The following RAB28 variants were observed in gnomAD, a reference collection of about 807,000 sequenced individuals.
RAB28 encodes ras-related protein Rab-28.
Under a neutral mutation model 31.7 loss-of-function variants are expected in RAB28, and 24 were observed. The ratio of observed to expected loss-of-function variants is 0.76; its 90% CI spans 0.55 to 1.06. The LOEUF (loss-of-function observed/expected upper bound fraction) is 1.06. RAB28 is among the 50% of genes least tolerant of loss of function. The pLI is 0.00. For synonymous variants in RAB28, 100 were observed against 90.4 expected, an observed-to-expected ratio of 1.11 and a Z score of -0.60; for missense variants, 254 against 258.5, an observed-to-expected ratio of 0.98 and a Z score of 0.12.
chr4:13,464,204 C>A (rs987167160), intron 3 of RAB28, among the ~76,000 whole-genome samples: 1 of 152,056 alleles, frequency 6.6e-6, no homozygotes, highest in African/African-American at 2.4e-5. Flanking sequence ...CATGGATATA[C>A]CACCAGATTC....
rs1728563826 is a variant in RAB28, at chr4:13,367,824, T to C, written c.*734A>G. 3 of 984,712 alleles carry C rather than the reference T, an allele frequency of 3.0e-6. No individual in the cohort carries two copies. Among genetic ancestry groups the C allele is most frequent in the Non-Finnish European group, 3.6e-6 (3 of 829,354 alleles). The allele number at this position is 984,712 out of a possible 1,614,324, so 61.0% of individuals were successfully genotyped here. On this transcript the variant is annotated 3_prime_UTR_variant, in exon 7 of 7. Transcript: ENST00000330852. ...ATTCTCGGGAGTACTCTTATGCAGTTTGCAAGAGAAATTCCACGTGGAGCA... is the reference window on the plus strand; with the variant it reads ...ATTCTCGGGAGTACTCTTATGCAGTCTGCAAGAGAAATTCCACGTGGAGCA...
intron 4 of RAB28, among the ~76,000 whole-genome samples, chr4:13,391,926 G>T (rs1182614802): frequency 1.3e-5 from 2 of 151,880 alleles, no homozygotes; most frequent in East Asian, 1.9e-4. Context: ...GCTGGGGGAG[G>T]GATAGCATTA....
At chr4:13,370,625 T>C (rs968778467) in intron 6 of RAB28, 23 of 984,308 alleles carry the variant, frequency 2.3e-5, no homozygotes, top group Non-Finnish European at 2.8e-5. Flanking sequence ...GGAAGGCATA[T>C]GCCATTTACA....
At chr4:13,386,325 C>G (rs1247362038) in intron 4 of RAB28, among the ~76,000 whole-genome samples, 3 of 151,918 alleles carry the variant, frequency 2.0e-5, no homozygotes, top group African/African-American at 2.4e-5. Context: ...AACAGACAAC[C>G]TACAGAATGG....
At chr4:13,458,967 T>C (rs1223940708) in intron 4 of RAB28, among the ~76,000 whole-genome samples, 1 of 152,142 alleles carries the variant, frequency 6.6e-6, no homozygotes, top group Non-Finnish European at 1.5e-5. Context: ...CCAAAGGAGA[T>C]TAACATTTGA....
chr4:13,386,387 A>G (rs574822713), intron 4 of RAB28, among the ~76,000 whole-genome samples: 1 of 152,136 alleles, frequency 6.6e-6, no homozygotes, highest in South Asian at 2.1e-4. Context: ...TCAAACATCT[A>G]TAAGGTATTT....
chr4:13,452,572 T>G (rs747211612), intron 4 of RAB28, among the ~76,000 whole-genome samples: 46 of 152,082 alleles, frequency 3.0e-4, no homozygotes, highest in Non-Finnish European at 5.9e-4. Flanking sequence ...ATTTGTATAG[T>G]TTTGAATGTT....
At chr4:13,396,783 T>C (rs1729891032) in intron 4 of RAB28, among the ~76,000 whole-genome samples, 1 of 152,150 alleles carries the variant, frequency 6.6e-6, no homozygotes, top group African/African-American at 2.4e-5. Flanking sequence ...CTTATCAATC[T>C]GTGTAAGCAC....
At chr4:13,413,359 T>C (rs1712557776) in intron 4 of RAB28, among the ~76,000 whole-genome samples, 1 of 152,204 alleles carries the variant, frequency 6.6e-6, no homozygotes, top group African/African-American at 2.4e-5. Context: ...CACAGACTTC[T>C]GAAGGAAATA....
At chr4:13,372,706 C>G (rs1266418292) in intron 6 of RAB28, among the ~76,000 whole-genome samples, 1 of 151,918 alleles carries the variant, frequency 6.6e-6, no homozygotes, top group East Asian at 1.9e-4. Context: ...AGAAAATGAT[C>G]GTAAAAAATT....
At chr4:13,371,628 T>C in intron 6 of RAB28, 1 of 985,336 alleles carries the variant, frequency 1.0e-6, no homozygotes, top group South Asian at 4.7e-5. Context: ...GTTTCCGAAC[T>C]GTAAGCCATA....
intron 4 of RAB28, among the ~76,000 whole-genome samples, chr4:13,435,218 C>G (rs919075663): frequency 1.3e-5 from 2 of 151,360 alleles, no homozygotes; most frequent in Admixed American, 1.3e-4. Context: ...CTCTGGGATA[C>G]AGCAAAAGTA....
At chr4:13,369,451 ACT>A (rs1438358672) in intron 6 of RAB28, among the ~76,000 whole-genome samples, 1 of 152,154 alleles carries the variant, frequency 6.6e-6, no homozygotes, top group African/African-American at 2.4e-5. Context: ...CAAATCCTTT[ACT>A]GTTTTCAACT....
intron 6 of RAB28, chr4:13,371,301 G>GGTA: frequency 3.0e-6 from 3 of 985,074 alleles, no homozygotes; most frequent in Non-Finnish European, 3.6e-6. Context: ...TGAATCGGGG[G>GGTA]GTACATCAGT....
intron 3 of RAB28, among the ~76,000 whole-genome samples, chr4:13,469,448 T>C (rs1716016330): frequency 6.6e-6 from 1 of 152,072 alleles, no homozygotes; most frequent in Non-Finnish European, 1.5e-5. Flanking sequence ...GAAATCAGAT[T>C]TCAAGTTTAA....
Position 13,369,888 on chromosome 4 carries a change from A to G in RAB28, c.574-1238T>C, listed in dbSNP as rs751163782. On this transcript the variant is annotated intron_variant, in intron 6 of 6. Transcript: ENST00000330852. ...CTTAATACCTGCACTACTGTACTGA[A>G]CAGATTCTACTCTGAGTAGAGGTGG... 2.4e-5 allele frequency: 39 copies of G among 1,612,010 alleles called. No individual in the cohort carries two copies. The highest frequency in any genetic ancestry group is 3.2e-5 in the Non-Finnish European group (38 of 1,178,890).
At chr4:13,386,655 T>C (rs939832793) in intron 4 of RAB28, among the ~76,000 whole-genome samples, 2 of 152,186 alleles carry the variant, frequency 1.3e-5, no homozygotes, top group Non-Finnish European at 2.9e-5. Context: ...GGTGGAAGTA[T>C]AAATTACTTC....
intron 4 of RAB28, among the ~76,000 whole-genome samples, chr4:13,440,905 T>C (rs1314776333): frequency 6.6e-6 from 1 of 151,862 alleles, no homozygotes. Flanking sequence ...GCTACGTACA[T>C]GCCACTGAGA....
At chr4:13,376,698 A>T in intron 5 of RAB28, 76 bp from the exon 6 acceptor site, 1 of 988,560 alleles carries the variant, frequency 1.0e-6, no homozygotes, top group Non-Finnish European at 1.5e-6. Context: ...GAATTTTCTT[A>T]AAAATGATAA....
Sources: gnomAD v4.1 joint callset for allele counts (sites outside exome capture counted in the v4.1 genomes callset) on GRCh38, gnomAD v4.1.1 for gene constraint, MANE v1.5 for transcripts, NCBI Gene and HGNC (gene_info 2026-07-23, HGNC 2026-07-21) for gene names.